Variants in SUGCT observed in about 807,000 individuals in gnomAD.
The protein encoded by SUGCT is succinyl-CoA:glutarate-CoA transferase.
SUGCT carries 41 observed loss-of-function variants against 55.0 expected under a neutral mutation model. That is an observed-to-expected ratio of 0.74 (90% CI 0.58 to 0.97). SUGCT has a LOEUF of 0.97. Ranked by LOEUF, SUGCT falls within the 50% of genes least tolerant of loss-of-function variation. The pLI is 0.00. For missense variants in SUGCT, 568 were observed against 547.8 expected (o/e 1.04, Z -0.37); for synonymous variants, 187 against 200.4 (o/e 0.93, Z 0.56).
chr7:40,724,196 A>G (rs1397828400), intron 12 of SUGCT, among the ~76,000 whole-genome samples: 4 of 152,194 alleles, frequency 2.6e-5, no homozygotes, highest in African/African-American at 4.8e-5. Flanking sequence ...TACAAGAGGA[A>G]TTTCTTCACA....
intron 12 of SUGCT, among the ~76,000 whole-genome samples, chr7:40,625,167 C>G (rs1231605658): frequency 6.6e-6 from 1 of 152,066 alleles, no homozygotes; most frequent in Non-Finnish European, 1.5e-5. Context: ...TTCTTCCTGG[C>G]GAACTCTTGA....
chr7:40,826,272 C>A (rs1563029746), intron 13 of SUGCT, among the ~76,000 whole-genome samples: 1 of 152,140 alleles, frequency 6.6e-6, no homozygotes, highest in Non-Finnish European at 1.5e-5. Flanking sequence ...ACACTATCTT[C>A]AAGTTTAGGG....
chr7:40,358,719 A>ACAACAACAG (rs1797998989), intron 9 of SUGCT, among the ~76,000 whole-genome samples: 1 of 151,242 alleles, frequency 6.6e-6, no homozygotes, highest in Non-Finnish European at 1.5e-5. Context: ...CATCTCAAAA[A>ACAACAACAG]CAACAACAAC....
the SUGCT span, among the ~76,000 whole-genome samples, chr7:40,973,477 A>G: frequency 3.3e-5 from 5 of 152,134 alleles, no homozygotes; most frequent in African/African-American, 7.2e-5. Flanking sequence ...TTCCAGGTGT[A>G]TTGTCTTTAA....
the SUGCT span, among the ~76,000 whole-genome samples, chr7:41,036,205 C>T: frequency 2.6e-5 from 4 of 152,100 alleles, no homozygotes; most frequent in African/African-American, 9.7e-5. Context: ...AGTGCATGGG[C>T]GAATGACTGA....
intron 12 of SUGCT, among the ~76,000 whole-genome samples, chr7:40,573,807 T>A (rs1584021491): frequency 6.6e-6 from 1 of 152,192 alleles, no homozygotes; most frequent in Non-Finnish European, 1.5e-5. Context: ...TAGCATCTGG[T>A]AGAGCTGGAC....
chr7:40,367,699 C>G (rs1241143863), intron 9 of SUGCT, among the ~76,000 whole-genome samples: 2 of 152,096 alleles, frequency 1.3e-5, no homozygotes, highest in Admixed American at 6.6e-5. Context: ...TCTATCAAAT[C>G]TCTCTTCTTA....
the SUGCT span, among the ~76,000 whole-genome samples, chr7:40,926,313 A>G: frequency 6.6e-6 from 1 of 152,004 alleles, no homozygotes; most frequent in Non-Finnish European, 1.5e-5. Context: ...TTGTCTTTGT[A>G]TTGGACTCTT....
chr7:40,811,796 A>C (rs768612790), intron 13 of SUGCT, among the ~76,000 whole-genome samples: 1 of 152,078 alleles, frequency 6.6e-6, no homozygotes, highest in African/African-American at 2.4e-5. Flanking sequence ...CATTTCCAGT[A>C]CTGTATTGAA....
In SUGCT at chr7:40,695,167, T is replaced by TTTTATTTATTTA. The variant is rs71560200; in HGVS notation, c.1090-54227_1090-54216dup. Among the ~76,000 whole-genome samples, 123 of 135,506 alleles carry TTTTATTTATTTA rather than the reference T, an allele frequency of 9.1e-4. 1 individual carries two copies. The highest frequency in any genetic ancestry group is 1.0e-3 in the Admixed American group (14 of 13,348). The allele number at this position is 135,506 out of a possible 152,430, so 88.9% of individuals were successfully genotyped here. On this transcript the variant is annotated intron_variant, in intron 12 of 13. Coordinates refer to ENST00000335693, the MANE Select transcript of SUGCT (RefSeq NM_001193313.2). ...TAATGTTATCTACCTAAACCCTTAT[T>TTTTATTTATTTA]TTTATTTATTTATTTATTTATTTAT...
At chr7:40,341,027 T>C (rs1431709257) in intron 9 of SUGCT, among the ~76,000 whole-genome samples, 1 of 152,174 alleles carries the variant, frequency 6.6e-6, no homozygotes, top group African/African-American at 2.4e-5. Context: ...ATGACATCCA[T>C]TATGAGGGTC....
At chr7:40,783,387 C>T (rs1349676888) in intron 13 of SUGCT, 1 of 152,106 alleles carries the variant, frequency 6.6e-6, no homozygotes, top group Non-Finnish European at 1.5e-5. Flanking sequence ...ATTAGTTTGC[C>T]TATGTGTGTA....
At chr7:40,182,138 A>T in intron 3 of SUGCT, 110 bp downstream of exon 3, 4 of 638,290 alleles carry the variant, frequency 6.3e-6, no homozygotes, top group Non-Finnish European at 8.1e-6. Flanking sequence ...GGAGAGAATT[A>T]AAATGAAATG....
At chr7:40,739,252 C>T (rs1174626009) in intron 12 of SUGCT, among the ~76,000 whole-genome samples, 3 of 152,150 alleles carry the variant, frequency 2.0e-5, no homozygotes, top group African/African-American at 7.2e-5. Flanking sequence ...TCCCTCCACT[C>T]CCATTTCTCC....
intron 9 of SUGCT, among the ~76,000 whole-genome samples, chr7:40,381,507 A>G (rs1182617777): frequency 1.3e-5 from 2 of 152,114 alleles, no homozygotes; most frequent in Non-Finnish European, 2.9e-5. Flanking sequence ...TGTTTTCGTA[A>G]CAACAACAAA....
chr7:40,240,811 G>A (rs555075119), intron 7 of SUGCT, among the ~76,000 whole-genome samples: 4 of 152,318 alleles, frequency 2.6e-5, no homozygotes, highest in South Asian at 4.1e-4. Flanking sequence ...ATCACCCTAC[G>A]CGGTGGAGCC....
intron 12 of SUGCT, among the ~76,000 whole-genome samples, chr7:40,624,772 A>ACACAC (rs1799437996): frequency 1.5e-5 from 2 of 137,314 alleles, no homozygotes; most frequent in Admixed American, 7.1e-5. Flanking sequence ...TTTCTGTGCA[A>ACACAC]ACACACACAC....
chr7:40,917,783 A>G, the SUGCT span, among the ~76,000 whole-genome samples: 1 of 152,104 alleles, frequency 6.6e-6, no homozygotes, highest in Non-Finnish European at 1.5e-5. Context: ...GGGTCCTCAG[A>G]TGGTAGAGAG....
intron 12 of SUGCT, among the ~76,000 whole-genome samples, chr7:40,725,312 A>G (rs1000347321): frequency 7.2e-5 from 11 of 152,218 alleles, no homozygotes; most frequent in African/African-American, 2.7e-4. Context: ...TTGAATGAAT[A>G]AATGAAAAAT....
Sources: gnomAD v4.1 joint callset for allele counts (sites outside exome capture counted in the v4.1 genomes callset) on GRCh38, gnomAD v4.1.1 for gene constraint, MANE v1.5 for transcripts, NCBI Gene and HGNC (gene_info 2026-07-23, HGNC 2026-07-21) for gene names.